SAMD12: variants seen among roughly 807,000 people sequenced by gnomAD.
The protein encoded by SAMD12 is sterile alpha motif domain-containing protein 12.
In SAMD12, 9 loss-of-function variants were observed where a neutral mutation model predicts 15.0. The ratio of observed to expected loss-of-function variants is 0.60; its 90% CI spans 0.36 to 1.05. The LOEUF (loss-of-function observed/expected upper bound fraction) is 1.05. Ranked by LOEUF, SAMD12 falls within the 50% of genes least tolerant of loss-of-function variation. SAMD12 has a pLI of 0.01. For missense variants in SAMD12, 230 were observed against 234.2 expected (o/e 0.98, Z 0.12); for synonymous variants, 86 against 90.1 (o/e 0.96, Z 0.25).
At chr8:118,509,716 G>C (rs1825021941) in intron 2 of SAMD12, among the ~76,000 whole-genome samples, 1 of 151,878 alleles carries the variant, frequency 6.6e-6, no homozygotes, top group African/African-American at 2.4e-5. Context: ...ACATCATTAA[G>C]AGCTTTAAGT....
chr8:118,598,317 G>A lies in SAMD12; in HGVS notation c.14-17424C>T, dbSNP rs377082434. On this transcript the variant is annotated intron_variant, in intron 1 of 3. Transcript: ENST00000314727. Reference sequence around the variant, plus strand: ...AGGGCTATTTAAAGTTAATAAAGCTGTAAGGGTGGGGTCTTAATCTAATAT... The same window carrying A: ...AGGGCTATTTAAAGTTAATAAAGCTATAAGGGTGGGGTCTTAATCTAATAT... Among the ~76,000 whole-genome samples the A allele has an allele frequency of 1.8e-4, 27 of 152,298 alleles. No homozygotes were observed. The East Asian group carries it at 2.9e-3, about 16-fold the overall frequency.
chr8:118,319,498 A>C (rs1188102121), intron 4 of SAMD12, among the ~76,000 whole-genome samples: 4 of 152,216 alleles, frequency 2.6e-5, no homozygotes, highest in Non-Finnish European at 5.9e-5. Context: ...TTTCATTCAT[A>C]ACTGAGCTAT....
At chr8:118,144,777 A>AG in the SAMD12 span, among the ~76,000 whole-genome samples, 1 of 152,192 alleles carries the variant, frequency 6.6e-6, no homozygotes, top group African/African-American at 2.4e-5. Flanking sequence ...GTTAAAGGTG[A>AG]GAAAAACGAG....
At chr8:118,239,960 C>T (rs571971582) in intron 4 of SAMD12, 18 of 152,232 alleles carry the variant, frequency 1.2e-4, no homozygotes, top group African/African-American at 4.1e-4. Flanking sequence ...GGGATATCTC[C>T]ATATTCCTGA....
intron 3 of SAMD12, among the ~76,000 whole-genome samples, chr8:118,422,953 A>G (rs1563850162): frequency 6.6e-6 from 1 of 152,176 alleles, no homozygotes; most frequent in African/African-American, 2.4e-5. Flanking sequence ...GCCTTGGGAA[A>G]GGGAACATCT....
intron 4 of SAMD12, among the ~76,000 whole-genome samples, chr8:118,350,405 G>A (rs1200032224): frequency 6.6e-6 from 1 of 152,106 alleles, no homozygotes; most frequent in East Asian, 1.9e-4. Context: ...ATACAACCAA[G>A]GGTTTTATAG....
intron 4 of SAMD12, among the ~76,000 whole-genome samples, chr8:118,348,250 G>A (rs1817766738): frequency 6.6e-6 from 1 of 151,814 alleles, no homozygotes; most frequent in Non-Finnish European, 1.5e-5. Context: ...CTAAATTTTT[G>A]TAGAGACAGG....
At chr8:118,468,517 G>A (rs1030144970) in intron 2 of SAMD12, among the ~76,000 whole-genome samples, 2 of 152,094 alleles carry the variant, frequency 1.3e-5, no homozygotes, top group Non-Finnish European at 2.9e-5. Flanking sequence ...TTGATATGAA[G>A]CAATGTTCTA....
At chr8:118,566,612 C>T (rs990680988) in intron 2 of SAMD12, among the ~76,000 whole-genome samples, 8 of 152,128 alleles carry the variant, frequency 5.3e-5, no homozygotes, top group Admixed American at 3.3e-4. Context: ...ATCTTTTATA[C>T]TATGTCAGGA....
At chr8:118,480,599 T>C (rs986852433) in intron 2 of SAMD12, among the ~76,000 whole-genome samples, 2 of 152,190 alleles carry the variant, frequency 1.3e-5, no homozygotes, top group South Asian at 2.1e-4. Context: ...ACTGTTGCAA[T>C]AGTCTCCTAA....
At chr8:118,161,860 GA>G in the SAMD12 span, among the ~76,000 whole-genome samples, 44 of 151,718 alleles carry the variant, frequency 2.9e-4, 1 homozygote, top group Admixed American at 1.6e-3. Flanking sequence ...TATGGTGATA[GA>G]AAAAAAGCAA....
At chr8:118,144,784 C>G in the SAMD12 span, among the ~76,000 whole-genome samples, 1 of 152,072 alleles carries the variant, frequency 6.6e-6, no homozygotes, top group East Asian at 1.9e-4. Flanking sequence ...GTGAGAAAAA[C>G]GAGGATGCGT....
At position 118,442,741 on chromosome 8, in the gene SAMD12, T is replaced by C. The variant is rs138046596; in HGVS notation, c.193-2780A>G. On this transcript the variant is annotated intron_variant, in intron 2 of 3. Coordinates refer to ENST00000314727, the MANE Select transcript of SAMD12 (RefSeq NM_207506.3). ...CGGATTAGCTGAATGAGTTTATAGC[T>C]GACACATCATTACCCTGAAACTCTT... Among the ~76,000 whole-genome samples, 272 of 152,314 alleles carry C rather than the reference T, an allele frequency of 1.8e-3. 1 individual carries two copies. The highest frequency in any genetic ancestry group is 6.3e-3 in the African/African-American group (263 of 41,560).
chr8:118,155,271 G>C, the SAMD12 span, among the ~76,000 whole-genome samples: 1 of 151,978 alleles, frequency 6.6e-6, no homozygotes, highest in South Asian at 2.1e-4. Flanking sequence ...AAGTTAGAAC[G>C]GACTCAACCC....
At chr8:118,491,951 A>G (rs1380246565) in intron 2 of SAMD12, among the ~76,000 whole-genome samples, 1 of 152,138 alleles carries the variant, frequency 6.6e-6, no homozygotes, top group Non-Finnish European at 1.5e-5. Flanking sequence ...TCTCTTGAAA[A>G]TACTTAGTGG....
chr8:118,583,011 C>T (rs557819943), intron 1 of SAMD12, among the ~76,000 whole-genome samples: 2 of 152,174 alleles, frequency 1.3e-5, no homozygotes, highest in Admixed American at 6.5e-5. Context: ...CATCTTGAAG[C>T]AGAAAGGGCT....
intron 2 of SAMD12, among the ~76,000 whole-genome samples, chr8:118,524,098 T>C (rs986350631): frequency 7.9e-5 from 12 of 152,136 alleles, no homozygotes; most frequent in African/African-American, 2.4e-4. Flanking sequence ...ACCCAATTTT[T>C]CTACCCCAAC....
chr8:118,300,848 T>C (rs1401828406), intron 4 of SAMD12, among the ~76,000 whole-genome samples: 3 of 152,222 alleles, frequency 2.0e-5, no homozygotes, highest in Non-Finnish European at 4.4e-5. Flanking sequence ...TGAGTATGTA[T>C]GCATTTAGTC....
At chr8:118,209,829 C>G (rs1819968523) in intron 4 of SAMD12, among the ~76,000 whole-genome samples, 1 of 152,148 alleles carries the variant, frequency 6.6e-6, no homozygotes, top group Admixed American at 6.5e-5. Flanking sequence ...AAGGCCTTTA[C>G]CTTGACATAC....
Sources: gnomAD v4.1 joint callset for allele counts (sites outside exome capture counted in the v4.1 genomes callset) on GRCh38, gnomAD v4.1.1 for gene constraint, MANE v1.5 for transcripts, NCBI Gene and HGNC (gene_info 2026-07-23, HGNC 2026-07-21) for gene names.